Variants in PIK3C2G observed in about 807,000 individuals in gnomAD.
The protein encoded by PIK3C2G is phosphatidylinositol-4-phosphate 3-kinase catalytic subunit type 2 gamma.
PIK3C2G carries 168 observed loss-of-function variants against 181.1 expected under a neutral mutation model. The ratio of observed to expected loss-of-function variants is 0.93; its 90% CI spans 0.82 to 1.05. The LOEUF (loss-of-function observed/expected upper bound fraction) is 1.05. Ranked by LOEUF, PIK3C2G falls within the 50% of genes least tolerant of loss-of-function variation. The pLI is 0.00. For synonymous variants in PIK3C2G, 573 were observed against 592.2 expected (o/e 0.97, Z 0.47); for missense variants, 1,869 against 1,732.8 (o/e 1.08, Z -1.40).
chr12:18,440,036 T>C (rs1946657301), intron 18 of PIK3C2G, among the ~76,000 whole-genome samples: 1 of 152,124 alleles, frequency 6.6e-6, no homozygotes, highest in Non-Finnish European at 1.5e-5. Flanking sequence ...TACTATTTAT[T>C]AGGTGTCTCA....
At chr12:18,562,224 C>T (rs934798739) in intron 26 of PIK3C2G, among the ~76,000 whole-genome samples, 1 of 152,152 alleles carries the variant, frequency 6.6e-6, no homozygotes, top group African/African-American at 2.4e-5. Context: ...CTCCGCCTCC[C>T]GGGTTCACGC....
the PIK3C2G span, among the ~76,000 whole-genome samples, chr12:18,711,098 G>A: frequency 3.3e-5 from 5 of 151,744 alleles, no homozygotes; most frequent in East Asian, 2.0e-4. Flanking sequence ...TGTTTATTGC[G>A]GCACTATTCA....
intron 31 of PIK3C2G, among the ~76,000 whole-genome samples, chr12:18,632,083 CTG>C (rs1466621770): frequency 2.6e-5 from 4 of 152,092 alleles, no homozygotes; most frequent in Admixed American, 6.6e-5. Flanking sequence ...ACCAGGGACA[CTG>C]TGAAAATATC....
the PIK3C2G span, among the ~76,000 whole-genome samples, chr12:18,667,404 A>G: frequency 1.3e-3 from 205 of 152,266 alleles, 1 homozygote; most frequent in African/African-American, 4.7e-3. Flanking sequence ...GATTACCTGT[A>G]TCTATCTGCT....
At chr12:18,573,687 T>C (rs1946089056) in intron 29 of PIK3C2G, among the ~76,000 whole-genome samples, 1 of 152,200 alleles carries the variant, frequency 6.6e-6, no homozygotes, top group East Asian at 1.9e-4. Flanking sequence ...CCTAACCTAC[T>C]ATCACCAGAA....
intron 28 of PIK3C2G, among the ~76,000 whole-genome samples, chr12:18,563,992 AAAATGT>A (rs1945484897): frequency 6.6e-6 from 1 of 150,744 alleles, no homozygotes; most frequent in South Asian, 2.1e-4. Flanking sequence ...AATACCAGAA[AAAATGT>A]AAATGTATTT....
chr12:18,282,489 T>C lies in PIK3C2G; in HGVS notation c.408T>C (p.Ala136=). 2 of 1,612,932 alleles carry C rather than the reference T, an allele frequency of 1.2e-6. No individual in the cohort carries two copies. The highest frequency in any genetic ancestry group is 1.7e-6 in the Non-Finnish European group (2 of 1,179,162). ...GCCCCATAGGAAAACATCATGGTGCTGATGATTCCAGATTCAGTATTTTAG... is the reference window on the plus strand; with the variant it reads ...GCCCCATAGGAAAACATCATGGTGCCGATGATTCCAGATTCAGTATTTTAG... The part of the protein sequence containing the change: ...WGSPIGKHHG[A]DDSRFSILAP... Residue 136 remains alanine, a synonymous_variant, in exon 2 of 33, where the codon GCT becomes GCC. Transcript: ENST00000538779.
the PIK3C2G span, chr12:18,719,623 G>T: frequency 1.3e-6 from 2 of 1,594,516 alleles, no homozygotes; most frequent in Non-Finnish European, 1.7e-6. Flanking sequence ...CATTTGGTGT[G>T]CTTTCCTAAC....
At chr12:18,290,062 T>A (rs1949622927) in intron 3 of PIK3C2G, among the ~76,000 whole-genome samples, 1 of 152,188 alleles carries the variant, frequency 6.6e-6, no homozygotes, top group African/African-American at 2.4e-5. Flanking sequence ...AATCTGTAAA[T>A]CTTTTACATG....
rs764958817 is a variant in PIK3C2G, at chr12:18,383,986, TA to T, written c.1995+2107del. Among the ~76,000 whole-genome samples, 731 of 122,546 alleles carry T rather than the reference TA, an allele frequency of 6.0e-3. 7 individuals are homozygous for T. The highest frequency in any genetic ancestry group is 0.02 in the African/African-American group (690 of 33,888). 80.4% of individuals were successfully genotyped at this position (122,546 alleles called of 152,430 possible). On this transcript the variant is annotated intron_variant, in intron 14 of 32. Transcript: ENST00000538779. ...GCCCTGTTATTTTTATTATTATTAT[TA>T]TTTTTTTTTTTTTTGTAGAGATGGG... is the stretch of plus-strand genomic sequence containing the variant.
At chr12:18,580,131 C>CAA (rs34226663) in intron 29 of PIK3C2G, among the ~76,000 whole-genome samples, 54 of 106,368 alleles carry the variant, frequency 5.1e-4, no homozygotes, top group African/African-American at 6.5e-4. Context: ...GACTCTGTCT[C>CAA]AAAAAAAAAA....
At chr12:18,248,621 G>A (rs1458614534) in intron 1 of PIK3C2G, among the ~76,000 whole-genome samples, 2 of 151,910 alleles carry the variant, frequency 1.3e-5, no homozygotes, top group African/African-American at 4.8e-5. Flanking sequence ...CTTCAACTTC[G>A]TGGCTGATTT....
At chr12:18,434,313 G>T (rs1297499340) in intron 18 of PIK3C2G, among the ~76,000 whole-genome samples, 1 of 152,072 alleles carries the variant, frequency 6.6e-6, no homozygotes, top group Non-Finnish European at 1.5e-5. Context: ...TTGCAATGGG[G>T]ATTAAATTTC....
In PIK3C2G at chr12:18,253,851, AT is replaced by A. The variant is rs34003056; in HGVS notation, c.-79+5782del. Among the ~76,000 whole-genome samples, 1,025 of 145,694 alleles carry A rather than the reference AT, an allele frequency of 7.0e-3. 7 individuals are homozygous for A. Among genetic ancestry groups the A allele is most frequent in the African/African-American group, 0.023 (898 of 39,708 alleles). ...AATAACCCATCTGGTGGCTTCAATT[AT>A]TTTTTTTTTTTTCATTTTAAGACAG... On this transcript the variant is annotated intron_variant, in intron 1 of 11. Coordinates refer to the PIK3C2G transcript ENST00000535651.
chr12:18,655,500 A>G, the PIK3C2G span, among the ~76,000 whole-genome samples: 1 of 152,224 alleles, frequency 6.6e-6, no homozygotes, highest in Non-Finnish European at 1.5e-5. Context: ...GGTAGAACAT[A>G]GCTACCCATT....
chr12:18,577,505 T>A (rs1254857251), intron 29 of PIK3C2G, among the ~76,000 whole-genome samples: 2 of 152,322 alleles, frequency 1.3e-5, no homozygotes, highest in South Asian at 2.1e-4. Flanking sequence ...ACATTGTTTT[T>A]ATATTGAATT....
intron 1 of PIK3C2G, among the ~76,000 whole-genome samples, chr12:18,255,228 T>TAAATAAATAAAG: frequency 9.3e-6 from 1 of 107,402 alleles, no homozygotes. Context: ...AATAAATAAA[T>TAAATAAATAAAG]AAATAAATAA....
At chr12:18,676,026 G>A in the PIK3C2G span, among the ~76,000 whole-genome samples, 4 of 151,684 alleles carry the variant, frequency 2.6e-5, no homozygotes, top group African/African-American at 9.7e-5. Flanking sequence ...AAAACTTTTT[G>A]AAAGAAAGGA....
intron 32 of PIK3C2G, among the ~76,000 whole-genome samples, chr12:18,647,219 T>C (rs541942083): frequency 3.3e-5 from 5 of 152,108 alleles, no homozygotes; most frequent in African/African-American, 1.2e-4. Flanking sequence ...TGCATTTAAG[T>C]AGCACAGGAA....
Sources: allele counts gnomAD v4.1 joint callset (sites outside exome capture counted in the v4.1 genomes callset), GRCh38; gene constraint gnomAD v4.1.1; transcripts MANE v1.5; gene names NCBI Gene and HGNC (gene_info 2026-07-23, HGNC 2026-07-21).